Variants in NOS2 observed in about 807,000 individuals in gnomAD.
NOS2 encodes the protein nitric oxide synthase, inducible.
NOS2 carries 96 observed loss-of-function variants against 136.0 expected under a neutral mutation model. The ratio of observed to expected loss-of-function variants is 0.71; its 90% CI spans 0.60 to 0.84. NOS2 has a LOEUF of 0.84. NOS2 is among the 40% of genes least tolerant of loss of function. The pLI is 0.00. For synonymous variants in NOS2, 539 were observed against 587.5 expected, an observed-to-expected ratio of 0.92 and a Z score of 1.20; for missense variants, 1,237 against 1,496.9, an observed-to-expected ratio of 0.83 and a Z score of 2.87.
chr17:27,797,623 G>T (rs1352905747), intron 2 of NOS2, among the ~76,000 whole-genome samples: 1 of 152,248 alleles, frequency 6.6e-6, no homozygotes, highest in East Asian at 1.9e-4. Flanking sequence ...CATGGGAAAG[G>T]CTCCTCTGGG....
At chr17:27,776,194 G>A (rs939286375) in intron 11 of NOS2, among the ~76,000 whole-genome samples, 54 of 152,324 alleles carry the variant, frequency 3.5e-4, no homozygotes, top group African/African-American at 1.3e-3. Context: ...AGGCAGGGAG[G>A]CATGAGAGGA....
intron 18 of NOS2, among the ~76,000 whole-genome samples, chr17:27,766,914 T>A (rs1908320493): frequency 7.0e-6 from 1 of 142,256 alleles, no homozygotes; most frequent in African/African-American, 2.7e-5. Context: ...TACACGAGAA[T>A]CACTTGAAGC....
chr17:27,763,835 C>T, intron 21 of NOS2, 146 bp downstream of exon 21: 1 of 630,378 alleles, frequency 1.6e-6, no homozygotes, highest in Non-Finnish European at 2.7e-6. Flanking sequence ...GCGGACGATG[C>T]CTGGCTTCCC....
At chr17:27,791,044 G>A (rs565173504) in intron 2 of NOS2, among the ~76,000 whole-genome samples, 96 of 152,228 alleles carry the variant, frequency 6.3e-4, no homozygotes, top group Middle Eastern at 3.4e-3. Flanking sequence ...AAATGACCAT[G>A]TATTGCTTTT....
intron 3 of NOS2, 45 bp from the exon 4 acceptor site, chr17:27,788,976 C>T (rs201703419): frequency 2.8e-5 from 44 of 1,596,136 alleles, no homozygotes; most frequent in Non-Finnish European, 3.8e-5. Flanking sequence ...CTCTCCTAGA[C>T]CCCAGGCCCT....
intron 25 of NOS2, 127 bp downstream of exon 25, chr17:27,759,903 T>C (rs1908058252): frequency 4.6e-6 from 4 of 866,106 alleles, no homozygotes; most frequent in African/African-American, 1.7e-5. Flanking sequence ...ACTCTGATGG[T>C]TGTGAATTAC....
chr17:27,767,813 G>A lies in NOS2; in HGVS notation c.2059C>T (p.Arg687Ter), dbSNP rs200336122. 10 of 1,611,834 alleles carry A rather than the reference G, an allele frequency of 6.2e-6. No individual in the cohort carries two copies. Among genetic ancestry groups the A allele is most frequent in the South Asian group, 1.1e-5 (1 of 91,000 alleles). Reference sequence around the variant, plus strand: ...GGGATCTGAATGTGCTGTTTGCCTCGGACATCAAACGTCTCACAGGCTGCC... The same window carrying A: ...GGGATCTGAATGTGCTGTTTGCCTCAGACATCAAACGTCTCACAGGCTGCC... ...FKAACETFDV[R>*]GKQHIQIPKL... The change falls in exon 18 of 27, where the codon CGA (arginine) becomes TGA (stop). Residue 687 changes from arginine to a stop codon, truncating the protein, a stop_gained. Coordinates refer to ENST00000313735, the MANE Select transcript of NOS2 (RefSeq NM_000625.4). LOFTEE classifies it high-confidence loss of function.
At chr17:27,792,657 T>C (rs1157273545) in intron 2 of NOS2, among the ~76,000 whole-genome samples, 1 of 151,892 alleles carries the variant, frequency 6.6e-6, no homozygotes, top group East Asian at 1.9e-4. Flanking sequence ...TGCGGGGTCC[T>C]GAGGACCCTC....
At chr17:27,799,416 T>C (rs41449853) in intron 1 of NOS2, among the ~76,000 whole-genome samples, 1 of 152,230 alleles carries the variant, frequency 6.6e-6, no homozygotes, top group Admixed American at 6.5e-5. Context: ...TCTTTTATTA[T>C]GTGGGGAGGA....
In NOS2 at chr17:27,757,479, G is replaced by T; in HGVS notation, c.3355-126C>A. 5 of 769,428 alleles carry T rather than the reference G, an allele frequency of 6.5e-6. 1 individual carries two copies. In the South Asian group the frequency reaches 6.8e-5, roughly 11 times the overall value. 47.7% of individuals were successfully genotyped at this position (769,428 alleles called of 1,614,324 possible). Reference sequence around the variant, plus strand: ...TCTTCCCAACTGTTATACTTAGATTGTGCTTGAATCTGGTTTAGACCCTAA... The same window carrying T: ...TCTTCCCAACTGTTATACTTAGATTTTGCTTGAATCTGGTTTAGACCCTAA... On this transcript the variant is annotated intron_variant, in intron 26 of 26. Transcript: ENST00000313735.
At chr17:27,760,527 A>C in intron 24 of NOS2, 96 bp downstream of exon 24, 4 of 1,506,072 alleles carry the variant, frequency 2.7e-6, no homozygotes, top group Non-Finnish European at 3.6e-6. Context: ...CCTTCCCTCG[A>C]GAGAGGTCAG....
chr17:27,786,611 T>A (rs1010194280), intron 5 of NOS2, among the ~76,000 whole-genome samples: 1 of 152,242 alleles, frequency 6.6e-6, no homozygotes, highest in African/African-American at 2.4e-5. Flanking sequence ...CTAATACTTA[T>A]GTCGTGCTTA....
chr17:27,770,167 T>C (rs866988849), intron 15 of NOS2, among the ~76,000 whole-genome samples: 1 of 152,206 alleles, frequency 6.6e-6, no homozygotes, highest in Non-Finnish European at 1.5e-5. Context: ...ACCTCTCTCA[T>C]TGCCTATTAG....
chr17:27,786,723 A>G (rs1476730671), intron 5 of NOS2, among the ~76,000 whole-genome samples: 1 of 152,140 alleles, frequency 6.6e-6, no homozygotes, highest in Non-Finnish European at 1.5e-5. Context: ...TACTATTATT[A>G]TCACCATTTT....
At position 27,766,556 on chromosome 17, in the gene NOS2, T is replaced by C. The variant is rs755085707; in HGVS notation, c.2200A>G (p.Thr734Ala). The C allele has an allele frequency of 1.2e-6, 2 of 1,614,182 alleles. No individual in the cohort carries two copies. The highest frequency in any genetic ancestry group is 8.5e-7 in the Non-Finnish European group (1 of 1,180,018). The part of the protein sequence containing the change: ...LSSMHAKNVF[T>A]MRLKSRQNLQ... ...TTCTGCCGAGATTTGAGCCTCATGG[T>C]GAACACGTTCTTGGCATGCATGCTG... The change falls in exon 19 of 27, where the codon ACC becomes GCC. Residue 734 changes from threonine to alanine, a missense_variant. Coordinates refer to ENST00000313735, the MANE Select transcript of NOS2 (RefSeq NM_000625.4).
rs916891361 is a variant in NOS2, at chr17:27,779,069, T to C, written c.1005-13A>G. 10 of 1,461,310 alleles carry C rather than the reference T, an allele frequency of 6.8e-6. No homozygotes were observed. The highest frequency in any genetic ancestry group is 9.1e-6 in the Non-Finnish European group (10 of 1,102,882). 90.5% of individuals were successfully genotyped at this position (1,461,310 alleles called of 1,614,324 possible). On this transcript the variant is annotated splice_polypyrimidine_tract_variant and intron_variant, in intron 9 of 26. Transcript: ENST00000313735. ...AAACCACTCGTATCTGGCAAAAAGG[T>C]AGACACAATTTAACTGGGGCCTTCC... is the stretch of plus-strand genomic sequence containing the variant.
At chr17:27,783,422 G>T (rs962595957) in intron 5 of NOS2, among the ~76,000 whole-genome samples, 1 of 152,140 alleles carries the variant, frequency 6.6e-6, no homozygotes, top group Admixed American at 6.5e-5. Context: ...TTATTTTCAG[G>T]TGCTTTTTCT....
At chr17:27,765,453 G>A (rs1309606883) in intron 20 of NOS2, 82 bp downstream of exon 20, 71 of 1,314,806 alleles carry the variant, frequency 5.4e-5, no homozygotes, top group South Asian at 1.0e-4. Context: ...GGCTGTCACC[G>A]GCAGGCCCAG....
intron 15 of NOS2, 47 bp from the exon 16 acceptor site, chr17:27,769,631 A>C: frequency 6.6e-7 from 1 of 1,515,874 alleles, no homozygotes; most frequent in Non-Finnish European, 9.2e-7. Context: ...GATGAATAAA[A>C]ACACTGTTTT....
Sources: allele counts gnomAD v4.1 joint callset (sites outside exome capture counted in the v4.1 genomes callset), GRCh38; gene constraint gnomAD v4.1.1; transcripts MANE v1.5; gene names NCBI Gene and HGNC (gene_info 2026-07-23, HGNC 2026-07-21).